PSMA3: variants seen among roughly 807,000 people sequenced by gnomAD.
PSMA3 encodes the protein proteasome subunit alpha type-3.
In PSMA3, 8 loss-of-function variants were observed where a neutral mutation model predicts 40.0. That is an observed-to-expected ratio of 0.20 (90% CI 0.12 to 0.36). PSMA3 has a LOEUF of 0.36. PSMA3 is among the 10% of genes least tolerant of loss of function. PSMA3 has a pLI of 1.00. For missense variants in PSMA3, 219 were observed against 310.6 expected (o/e 0.70, Z 2.22); for synonymous variants, 110 against 100.0 (o/e 1.10, Z -0.59).
At chr14:58,254,344 G>GTATATATA (rs1890096208) in intron 3 of PSMA3, among the ~76,000 whole-genome samples, 3 of 13,428 alleles carry the variant, frequency 2.2e-4, no homozygotes, top group African/African-American at 3.2e-4. Flanking sequence ...ATATATATAT[G>GTATATATA]TATGTACACA....
intron 3 of PSMA3, among the ~76,000 whole-genome samples, chr14:58,253,050 T>C (rs1890049926): frequency 6.6e-6 from 1 of 150,608 alleles, no homozygotes; most frequent in Non-Finnish European, 1.5e-5. Flanking sequence ...AGTGGCGCCA[T>C]CTCAGCTTAT....
chr14:58,255,925 C>A (rs753516693), intron 3 of PSMA3, among the ~76,000 whole-genome samples: 4 of 152,174 alleles, frequency 2.6e-5, no homozygotes, highest in Non-Finnish European at 5.9e-5. Flanking sequence ...GTGGCGTGAT[C>A]TCGGCTCACT....
rs753832888 is a variant in PSMA3, at chr14:58,252,132, A to G, written c.118A>G (p.Ile40Val). Residue 40 changes from isoleucine to valine, a missense_variant, in exon 3 of 11, where the codon ATC becomes GTC. By Grantham distance (29) the Ile-to-Val change is conservative (BLOSUM62 3). Coordinates refer to ENST00000216455, the MANE Select transcript of PSMA3 (RefSeq NM_002788.4). ...AVENSSTAIG[I>V]RCKDGVVFGV... ...TCCTTGTTTCAGTACAGCTATTGGAATCAGATGCAAAGATGGTGTTGTCTT... is the reference window on the plus strand; with the variant it reads ...TCCTTGTTTCAGTACAGCTATTGGAGTCAGATGCAAAGATGGTGTTGTCTT... 2 of 1,610,868 alleles carry G rather than the reference A, an allele frequency of 1.2e-6. No individual in the cohort carries two copies. The highest frequency in any genetic ancestry group is 1.1e-5 in the South Asian group (1 of 90,224).
intron 6 of PSMA3, 103 bp from the exon 7 acceptor site, chr14:58,263,602 A>C: frequency 1.1e-6 from 1 of 895,706 alleles, no homozygotes; most frequent in East Asian, 2.8e-5. Context: ...TGCTTTTAAA[A>C]GTCATTTAGC....
intron 2 of PSMA3, among the ~76,000 whole-genome samples, chr14:58,250,516 T>A (rs997521840): frequency 6.6e-6 from 1 of 152,186 alleles, no homozygotes; most frequent in African/African-American, 2.4e-5. Flanking sequence ...ACAGAATTTA[T>A]AACAGGAAAT....
Position 58,244,901 on chromosome 14 carries a change from G to A in PSMA3, c.-20G>A. 1 of 1,614,168 alleles carries A rather than the reference G, an allele frequency of 6.2e-7. No individual in the cohort carries two copies. Among genetic ancestry groups the A allele is most frequent in the Non-Finnish European group, 8.5e-7 (1 of 1,180,018 alleles). ...CGCTCCGGGCCTGGAATCCCTACGC[G>A]TCCCTTTGGGTTTAGCACGATGAGC... On this transcript the variant is annotated 5_prime_UTR_variant, in exon 1 of 11. Coordinates refer to ENST00000216455, the MANE Select transcript of PSMA3 (RefSeq NM_002788.4).
At chr14:58,253,281 G>A (rs1890055118) in intron 3 of PSMA3, among the ~76,000 whole-genome samples, 2 of 152,098 alleles carry the variant, frequency 1.3e-5, no homozygotes, top group African/African-American at 2.4e-5. Context: ...GAGCCACTGC[G>A]CCCGGCCTAA....
chr14:58,261,987 C>T (rs1406575522), intron 6 of PSMA3, among the ~76,000 whole-genome samples: 1 of 152,036 alleles, frequency 6.6e-6, no homozygotes, highest in African/African-American at 2.4e-5. Context: ...AGTGCAGTGG[C>T]TCGATCTTGG....
chr14:58,252,557 G>T (rs1032077635), intron 3 of PSMA3, among the ~76,000 whole-genome samples: 21 of 151,936 alleles, frequency 1.4e-4, no homozygotes, highest in African/African-American at 5.1e-4. Context: ...CTCTTGTGGG[G>T]ATCACTGTCA....
At chr14:58,271,460 G>GCCTCCTGTAATC (rs1890622998) in intron 10 of PSMA3, among the ~76,000 whole-genome samples, 2 of 150,982 alleles carry the variant, frequency 1.3e-5, no homozygotes, top group Admixed American at 1.3e-4. Flanking sequence ...CTCCCAAGTA[G>GCCTCCTGTAATC]CTGGGATTAC....
Position 58,268,647 on chromosome 14 carries a change from A to G in PSMA3, c.590+1127A>G, listed in dbSNP as rs1179074407. ...GAATTGTATAGTATGTTATCATGAT[A>G]TACTCTGTTTCCTTCACCGAACCAA... is the stretch of plus-strand genomic sequence containing the variant. On this transcript the variant is annotated intron_variant, in intron 8 of 10. Transcript: ENST00000216455. 3.3e-5 allele frequency: 5 copies of G among 152,228 alleles called. No individual in the cohort carries two copies. In the East Asian group the frequency reaches 9.6e-4, roughly 29 times the overall value. 9.4% of individuals were successfully genotyped at this position (152,228 alleles called of 1,614,324 possible).
At position 58,261,658 on chromosome 14, in the gene PSMA3, G is replaced by C. The variant is rs1474637906; in HGVS notation, c.477+638G>C. Among the ~76,000 whole-genome samples the C allele has an allele frequency of 2.6e-5, 4 of 152,074 alleles. No homozygotes were observed. The East Asian group carries it at 7.7e-4, about 29-fold the overall frequency. On this transcript the variant is annotated intron_variant, in intron 6 of 10. Coordinates refer to ENST00000216455, the MANE Select transcript of PSMA3 (RefSeq NM_002788.4). ...TTTCCTCATTCTTGCCCAGGCTGGA[G>C]TGCAGTGACACAATCATAGCTCACT... is the stretch of plus-strand genomic sequence containing the variant.
chr14:58,244,912 T>C lies in PSMA3; in HGVS notation c.-9T>C. The C allele has an allele frequency of 6.2e-7, 1 of 1,614,094 alleles. No homozygotes were observed. Among genetic ancestry groups the C allele is most frequent in the Non-Finnish European group, 8.5e-7 (1 of 1,179,998 alleles). On this transcript the variant is annotated 5_prime_UTR_variant, in exon 1 of 11. Transcript: ENST00000216455. The stretch of plus-strand genomic sequence containing the variant: ...TGGAATCCCTACGCGTCCCTTTGGG[T>C]TTAGCACGATGAGCTCAATCGGCAC...
At chr14:58,260,851 T>A in intron 5 of PSMA3, 97 bp from the exon 6 acceptor site, 1 of 828,004 alleles carries the variant, frequency 1.2e-6, no homozygotes, top group Non-Finnish European at 1.9e-6. Context: ...TAGTAATTTA[T>A]CTCAGAAAGA....
At chr14:58,247,094 G>A (rs1243313650) in intron 1 of PSMA3, among the ~76,000 whole-genome samples, 2 of 152,170 alleles carry the variant, frequency 1.3e-5, no homozygotes. Context: ...TGTGCCAAAT[G>A]TCAAGAAGAC....
chr14:58,256,508 A>G (rs1299722003), intron 3 of PSMA3, among the ~76,000 whole-genome samples: 1 of 148,252 alleles, frequency 6.7e-6, no homozygotes, highest in African/African-American at 2.5e-5. Context: ...TCCGCCTCCC[A>G]GGTTCAAGCA....
Position 58,247,865 on chromosome 14 carries a change from C to T in PSMA3, c.104+33C>T, listed in dbSNP as rs748589141. Reference sequence around the variant, plus strand: ...ACATTTAACCAGGTATTACATGTCTCCTTTTATTTTATATATTTTTGGCGA... The same window carrying T: ...ACATTTAACCAGGTATTACATGTCTTCTTTTATTTTATATATTTTTGGCGA... On this transcript the variant is annotated intron_variant, in intron 2 of 10. Transcript: ENST00000216455. 6 of 1,427,920 alleles carry T rather than the reference C, an allele frequency of 4.2e-6. No homozygotes were observed. The African/African-American group carries it at 7.2e-5, about 17-fold the overall frequency. The allele number at this position is 1,427,920 out of a possible 1,614,324, so 88.5% of individuals were successfully genotyped here.
chr14:58,250,613 G>T (rs1354086319), intron 2 of PSMA3, among the ~76,000 whole-genome samples: 1 of 152,174 alleles, frequency 6.6e-6, no homozygotes, highest in Non-Finnish European at 1.5e-5. Context: ...GTTGGGGAAG[G>T]AGTGTCAGAA....
Position 58,260,960 on chromosome 14 carries a change from G to T in PSMA3, c.417G>T (p.Gly139=). Residue 139 remains glycine, a synonymous_variant, in exon 6 of 11, where the codon GGG becomes GGT. Coordinates refer to ENST00000216455, the MANE Select transcript of PSMA3 (RefSeq NM_002788.4). ...VRPFGCSFML[G]SYSVNDGAQL... The stretch of plus-strand genomic sequence containing the variant: ...TACTTTCATGCAGTTTCATGTTAGG[G>T]TCTTACAGTGTGAATGACGGTGCGC... 1 of 1,611,692 alleles carries T rather than the reference G, an allele frequency of 6.2e-7. No individual in the cohort carries two copies. The highest frequency in any genetic ancestry group is 8.5e-7 in the Non-Finnish European group (1 of 1,178,234).
Sources: allele counts gnomAD v4.1 joint callset (sites outside exome capture counted in the v4.1 genomes callset), GRCh38; gene constraint gnomAD v4.1.1; transcripts MANE v1.5; gene names NCBI Gene and HGNC (gene_info 2026-07-23, HGNC 2026-07-21).